PCCA: variants seen among roughly 807,000 people sequenced by gnomAD.
PCCA encodes the protein propionyl-CoA carboxylase subunit alpha.
A neutral mutation model predicts 101.3 loss-of-function variants in PCCA; 74 were observed. The ratio of observed to expected loss-of-function variants is 0.73; its 90% confidence interval spans 0.61 to 0.89. The LOEUF is 0.89. PCCA is among the 40% of genes least tolerant of loss of function. The pLI is 0.00. For missense variants in PCCA, 891 were observed against 907.0 expected (o/e 0.98, Z 0.23); for synonymous variants, 294 against 313.6 (o/e 0.94, Z 0.66).
chr13:100,301,484 A>G lies in PCCA; in HGVS notation c.1090A>G (p.Ile364Val). Reference protein sequence around the residue: ...LQVEHPVTECITGLDLVQEMI... With the variant: ...LQVEHPVTECVTGLDLVQEMI... ...GGTTGAGCATCCTGTCACAGAATGC[A>G]TTACTGGCCTGGACCTAGTCCAGGA... Residue 364 changes from isoleucine to valine, a missense_variant, in exon 13 of 24, where the codon ATT becomes GTT. Ile to Val is a conservative substitution (Grantham distance 29, BLOSUM62 3). Coordinates refer to ENST00000376285, the MANE Select transcript of PCCA (RefSeq NM_000282.4). The G allele has an allele frequency of 1.9e-6, 3 of 1,614,094 alleles. No individual in the cohort carries two copies. Among genetic ancestry groups the G allele is most frequent in the South Asian group, 1.1e-5 (1 of 91,082 alleles).
intron 12 of PCCA, among the ~76,000 whole-genome samples, chr13:100,279,622 C>A (rs1243679253): frequency 6.6e-6 from 1 of 152,124 alleles, no homozygotes; most frequent in Non-Finnish European, 1.5e-5. Flanking sequence ...ACTACAGGCG[C>A]ATACCACCAC....
At chr13:100,314,820 C>T (rs995704956) in intron 16 of PCCA, among the ~76,000 whole-genome samples, 4 of 152,134 alleles carry the variant, frequency 2.6e-5, no homozygotes, top group African/African-American at 9.7e-5. Context: ...CAACTAAATG[C>T]AATGTGTGAT....
chr13:100,247,099 G>A (rs754600252), intron 8 of PCCA, among the ~76,000 whole-genome samples: 4 of 151,764 alleles, frequency 2.6e-5, no homozygotes, highest in Non-Finnish European at 5.9e-5. Flanking sequence ...GTAGAGATGG[G>A]GTTTCACCAT....
intron 6 of PCCA, among the ~76,000 whole-genome samples, chr13:100,175,885 C>A (rs1334830446): frequency 6.6e-6 from 1 of 152,134 alleles, no homozygotes; most frequent in Non-Finnish European, 1.5e-5. Flanking sequence ...TCATCTTCTC[C>A]AAATTCTTTT....
chr13:100,268,341 G>A (rs1457224455), intron 10 of PCCA, among the ~76,000 whole-genome samples: 2 of 152,088 alleles, frequency 1.3e-5, no homozygotes, highest in Admixed American at 6.6e-5. Context: ...ATAAAGCTGC[G>A]GTGGCACTCC....
chr13:100,458,360 CTACACACA>C (rs2081914913), intron 21 of PCCA, among the ~76,000 whole-genome samples: 3 of 56,628 alleles, frequency 5.3e-5, no homozygotes, highest in African/African-American at 2.1e-4. Flanking sequence ...GACCCCATCT[CTACACACA>C]CACACACACA....
At chr13:100,338,648 G>A (rs1214150086) in intron 17 of PCCA, among the ~76,000 whole-genome samples, 1 of 150,022 alleles carries the variant, frequency 6.7e-6, no homozygotes, top group African/African-American at 2.5e-5. Context: ...GGTGTCAGGG[G>A]AAAATGAGGA....
At chr13:100,467,464 C>A (rs1198208348) in intron 21 of PCCA, among the ~76,000 whole-genome samples, 1 of 152,122 alleles carries the variant, frequency 6.6e-6, no homozygotes, top group African/African-American at 2.4e-5. Context: ...CTCTGCCTCC[C>A]GGGTTCAAGC....
chr13:100,423,414 A>G (rs2078953465), intron 19 of PCCA, among the ~76,000 whole-genome samples: 1 of 152,184 alleles, frequency 6.6e-6, no homozygotes, highest in African/African-American at 2.4e-5. Flanking sequence ...TAGCATCATT[A>G]GAATCACTGT....
chr13:100,183,881 G>T (rs868612080), intron 6 of PCCA, among the ~76,000 whole-genome samples: 2 of 152,252 alleles, frequency 1.3e-5, no homozygotes, highest in Middle Eastern at 3.4e-3. Flanking sequence ...TGTGAGGCTG[G>T]CTTTTTCTGC....
At chr13:100,430,526 G>A (rs2079476373) in intron 20 of PCCA, among the ~76,000 whole-genome samples, 2 of 152,120 alleles carry the variant, frequency 1.3e-5, no homozygotes, top group South Asian at 4.1e-4. Flanking sequence ...CTCCCCACCA[G>A]CATGATGTTT....
intron 18 of PCCA, among the ~76,000 whole-genome samples, chr13:100,367,413 C>G (rs565507149): frequency 1.3e-5 from 2 of 152,104 alleles, no homozygotes; most frequent in Non-Finnish European, 2.9e-5. Flanking sequence ...TTTTATTTCT[C>G]TGTGGTGCCC....
intron 22 of PCCA, among the ~76,000 whole-genome samples, chr13:100,523,280 G>A (rs966948857): frequency 6.6e-6 from 1 of 152,182 alleles, no homozygotes; most frequent in Non-Finnish European, 1.5e-5. Context: ...CATACTATAA[G>A]CTTGAAGATA....
At chr13:100,174,221 G>A (rs2056008873) in intron 6 of PCCA, among the ~76,000 whole-genome samples, 1 of 151,910 alleles carries the variant, frequency 6.6e-6, no homozygotes, top group Non-Finnish European at 1.5e-5. Flanking sequence ...TCACATGCCA[G>A]TAGGAGATCA....
chr13:100,498,421 A>G (rs1423169586), intron 21 of PCCA, among the ~76,000 whole-genome samples: 1 of 152,184 alleles, frequency 6.6e-6, no homozygotes, highest in Non-Finnish European at 1.5e-5. Flanking sequence ...ACACGCCCGT[A>G]TTAGTGACTG....
At chr13:100,210,473 C>T (rs1400813760) in intron 7 of PCCA, among the ~76,000 whole-genome samples, 1 of 152,176 alleles carries the variant, frequency 6.6e-6, no homozygotes, top group Non-Finnish European at 1.5e-5. Context: ...CTCTGTATAT[C>T]TTTATCTTGA....
chr13:100,421,351 T>G (rs2078738265), intron 19 of PCCA, among the ~76,000 whole-genome samples: 1 of 152,246 alleles, frequency 6.6e-6, no homozygotes, highest in South Asian at 2.1e-4. Flanking sequence ...GAGATACTCT[T>G]TGCATTTAAA....
intron 4 of PCCA, among the ~76,000 whole-genome samples, chr13:100,152,036 C>G (rs1393983619): frequency 6.6e-6 from 1 of 152,138 alleles, no homozygotes; most frequent in Non-Finnish European, 1.5e-5. Context: ...ACAATGACAA[C>G]AAAATTGAAA....
rs561327477 is a variant in PCCA, at chr13:100,429,926, A to ATATAT, written c.1845+4199_1845+4200insTTATA. On this transcript the variant is annotated intron_variant, in intron 20 of 23. Transcript: ENST00000376285. ...CCAGCCAAAAATATTTATTATATCT[A>ATATAT]TATAAAAGCTAAAGAATGACCCAAT... 5.4e-4 allele frequency among the ~76,000 whole-genome samples: 82 copies of ATATAT among 152,074 alleles called. No individual in the cohort carries two copies. In the South Asian group the frequency reaches 7.3e-3, roughly 13 times the overall value.
Sources: gnomAD v4.1 joint callset for allele counts (sites outside exome capture counted in the v4.1 genomes callset) on GRCh38, gnomAD v4.1.1 for gene constraint, MANE v1.5 for transcripts, NCBI Gene and HGNC (gene_info 2026-07-23, HGNC 2026-07-21) for gene names.